The following FRMD4B variants were observed in gnomAD, a reference collection of about 807,000 sequenced individuals.
FRMD4B encodes FERM domain containing 4B, also known as FERM domain-containing protein 4B.
FRMD4B carries 74 observed loss-of-function variants against 141.5 expected under a neutral mutation model. The ratio of observed to expected loss-of-function variants is 0.52; its 90% CI spans 0.43 to 0.63. The LOEUF is 0.63. Ranked by LOEUF, FRMD4B falls within the 30% of genes least tolerant of loss-of-function variation. The probability of loss-of-function intolerance (pLI) is 0.00; values close to 1 mark genes in which losing one functional copy is unlikely to be tolerated. For missense variants in FRMD4B, 1,366 were observed against 1,253.4 expected, an observed-to-expected ratio of 1.09 and a Z score of -1.36; for synonymous variants, 506 against 467.9, an observed-to-expected ratio of 1.08 and a Z score of -1.05.
At chr3:69,282,764 A>G (rs758667535) in intron 5 of FRMD4B, among the ~76,000 whole-genome samples, 1 of 151,816 alleles carries the variant, frequency 6.6e-6, no homozygotes, top group Non-Finnish European at 1.5e-5. Flanking sequence ...CAGCCTCCGG[A>G]GTAGGTGGAA....
intron 5 of FRMD4B, among the ~76,000 whole-genome samples, chr3:69,282,682 G>C (rs1220859242): frequency 2.0e-5 from 3 of 152,258 alleles, no homozygotes; most frequent in Admixed American, 6.5e-5. Flanking sequence ...TCTGTTGCCA[G>C]GTTGGAGTGC....
chr3:69,386,095 C>G, upstream of FRMD4B: 4 of 1,072,958 alleles, frequency 3.7e-6, no homozygotes, highest in Non-Finnish European at 3.9e-6. Context: ...TGCTGGCAGC[C>G]GGGGGGTCAA....
rs142376859 is a variant in FRMD4B, at chr3:69,412,218, C to T, written c.-1+20416G>A. 4.8e-3 allele frequency among the ~76,000 whole-genome samples: 731 copies of T among 152,256 alleles called. 16 individuals carry two copies. The highest frequency in any genetic ancestry group is 1.9e-3 in the Non-Finnish European group (126 of 68,020). Reference sequence around the variant, plus strand: ...CCAGGTTTGAACCCAGGAATTCTGGCCCCACAACCCAAGCTAACTGCTTTA... The same window carrying T: ...CCAGGTTTGAACCCAGGAATTCTGGTCCCACAACCCAAGCTAACTGCTTTA... On this transcript the variant is annotated intron_variant, in intron 2 of 5. Coordinates refer to the FRMD4B transcript ENST00000459638.
At chr3:69,190,254 A>G (rs2092821558) in intron 17 of FRMD4B, among the ~76,000 whole-genome samples, 1 of 152,200 alleles carries the variant, frequency 6.6e-6, no homozygotes, top group African/African-American at 2.4e-5. Context: ...CTTTACCTAT[A>G]TATTTAGTGC....
chr3:69,176,619 C>T lies in FRMD4B; in HGVS notation c.2889G>A (p.Gln963=). ...STNASGNWRT[Q]LTIGLSDYET... ...CGTAATCCGACAGCCCTATGGTTAA[C>T]TGGGTCCTCCAGTTCCCAGAAGCAT... is the stretch of plus-strand genomic sequence containing the variant. The change falls in exon 22 of 23, where the codon CAG becomes CAA. Residue 963 remains glutamine (Q), a synonymous_variant. Coordinates refer to ENST00000398540, the MANE Select transcript of FRMD4B (RefSeq NM_015123.3). 1.9e-6 allele frequency: 3 copies of T among 1,605,764 alleles called. No individual in the cohort carries two copies. The highest frequency in any genetic ancestry group is 2.6e-6 in the Non-Finnish European group (3 of 1,172,384).
chr3:69,427,643 G>GTTTTTT lies in FRMD4B; in HGVS notation c.-1+4985_-1+4990dup, dbSNP rs774316609. ...GTGTTTAGTAAGAAGCTAGGTAAAT[G>GTTTTTT]TTTTTTTTTTTTTTTTTTTTTTTTT... On this transcript the variant is annotated intron_variant, in intron 2 of 5. Transcript: ENST00000459638. 3.7e-3 allele frequency among the ~76,000 whole-genome samples: 133 copies of GTTTTTT among 36,240 alleles called. 23 individuals carry two copies. The highest frequency in any genetic ancestry group is 0.012 in the African/African-American group (112 of 9,386). The allele number at this position is 36,240 out of a possible 152,430, so 23.8% of individuals were successfully genotyped here. A position where few individuals can be genotyped will look rare whatever the true frequency, so the allele number is the denominator to read the frequency against.
rs75550427 is a variant in FRMD4B at position 69,343,926 on chromosome 3, T to C, written c.163-30409A>G. Among the ~76,000 whole-genome samples, 1,516 of 152,282 alleles carry C rather than the reference T, an allele frequency of 1.0e-2. 27 individuals are homozygous for C. The highest frequency in any genetic ancestry group is 0.035 in the African/African-American group (1,437 of 41,548). ...CCCCAAGAGTGAGTTGCAAATGAACTAAAAGTCAAGCTTGTAAGAGCTATT... is the reference window on the plus strand; with the variant it reads ...CCCCAAGAGTGAGTTGCAAATGAACCAAAAGTCAAGCTTGTAAGAGCTATT... On this transcript the variant is annotated intron_variant, in intron 1 of 22. Transcript: ENST00000398540.
chr3:69,332,977 C>A (rs954198505), intron 1 of FRMD4B, among the ~76,000 whole-genome samples: 1 of 152,042 alleles, frequency 6.6e-6, no homozygotes, highest in African/African-American at 2.4e-5. Context: ...AAAATATAAG[C>A]CAGTTCCTGT....
chr3:69,330,592 G>T (rs543163512), intron 1 of FRMD4B, among the ~76,000 whole-genome samples: 2 of 151,360 alleles, frequency 1.3e-5, no homozygotes, highest in African/African-American at 4.9e-5. Context: ...TGATCTGCCC[G>T]CCTCAGCCTC....
chr3:69,408,618 A>G (rs1704696294), intron 2 of FRMD4B, among the ~76,000 whole-genome samples: 1 of 152,074 alleles, frequency 6.6e-6, no homozygotes, highest in East Asian at 1.9e-4. Flanking sequence ...CATAAAAAGG[A>G]CTCAGGGCTT....
At chr3:69,497,069 A>G (rs1035396178) in intron 1 of FRMD4B, among the ~76,000 whole-genome samples, 12 of 152,040 alleles carry the variant, frequency 7.9e-5, no homozygotes, top group African/African-American at 2.9e-4. Flanking sequence ...GTGGAAAGCA[A>G]TGACATATGC....
At chr3:69,519,997 CATATATATATAT>C (rs71618288) in intron 1 of FRMD4B, among the ~76,000 whole-genome samples, 1,393 of 88,360 alleles carry the variant, frequency 0.016, 80 homozygotes, top group African/African-American at 0.068. Context: ...AGTAGTATTC[CATATATATATAT>C]ATATATATAT....
At chr3:69,468,358 T>G (rs1705828328) in intron 1 of FRMD4B, among the ~76,000 whole-genome samples, 1 of 152,174 alleles carries the variant, frequency 6.6e-6, no homozygotes, top group Non-Finnish European at 1.5e-5. Context: ...TAGTAGACAC[T>G]GTTGGTGGCC....
At chr3:69,452,626 G>A (rs917532526) in intron 1 of FRMD4B, among the ~76,000 whole-genome samples, 1 of 152,238 alleles carries the variant, frequency 6.6e-6, no homozygotes, top group Admixed American at 6.5e-5. Context: ...TAGAAAAAGT[G>A]ACACTTGGGC....
intron 1 of FRMD4B, among the ~76,000 whole-genome samples, chr3:69,450,334 A>G (rs775526042): frequency 6.6e-6 from 1 of 152,060 alleles, no homozygotes; most frequent in Non-Finnish European, 1.5e-5. Flanking sequence ...ATCAGCCTGA[A>G]AAGAATTAGC....
At chr3:69,336,980 T>C (rs918474915) in intron 1 of FRMD4B, among the ~76,000 whole-genome samples, 2 of 152,002 alleles carry the variant, frequency 1.3e-5, no homozygotes, top group Non-Finnish European at 2.9e-5. Flanking sequence ...GGCAAAGACA[T>C]GAAATCAACC....
At chr3:69,505,087 T>C (rs1427419657) in intron 1 of FRMD4B, among the ~76,000 whole-genome samples, 1 of 4,312 alleles carries the variant, frequency 2.3e-4, no homozygotes, top group Non-Finnish European at 3.6e-4. Context: ...AAACAAATAG[T>C]GGCCAGCATA....
At chr3:69,205,562 C>T (rs1204328259) in intron 11 of FRMD4B, among the ~76,000 whole-genome samples, 1 of 151,964 alleles carries the variant, frequency 6.6e-6, no homozygotes, top group African/African-American at 2.4e-5. Flanking sequence ...TTTTTGCACC[C>T]CTCCCACTCC....
intron 1 of FRMD4B, among the ~76,000 whole-genome samples, chr3:69,519,508 C>T (rs1307628401): frequency 6.6e-6 from 1 of 152,158 alleles, no homozygotes; most frequent in Non-Finnish European, 1.5e-5. Context: ...GGGCAATACT[C>T]TATTCCTCCT....
Sources: gnomAD v4.1 joint callset for allele counts (sites outside exome capture counted in the v4.1 genomes callset) on GRCh38, gnomAD v4.1.1 for gene constraint, MANE v1.5 for transcripts, NCBI Gene and HGNC (gene_info 2026-07-23, HGNC 2026-07-21) for gene names.